The following LRBA variants were observed in gnomAD, a reference collection of about 807,000 sequenced individuals.
The protein encoded by LRBA is LPS responsive beige-like anchor protein.
LRBA carries 176 observed loss-of-function variants against 330.0 expected under a neutral mutation model. The ratio of observed to expected loss-of-function variants is 0.53; its 90% CI spans 0.47 to 0.60. LRBA has a LOEUF of 0.60. Among genes scored for constraint, LRBA ranks in the 20% least tolerant of loss-of-function variants. The pLI is 0.00. For synonymous variants in LRBA, 1,230 were observed against 1,193.0 expected (o/e 1.03, Z -0.64); for missense variants, 3,259 against 3,444.8 (o/e 0.95, Z 1.35).
At chr4:150,520,133 T>A (rs1561296282) in intron 40 of LRBA, among the ~76,000 whole-genome samples, 1 of 152,238 alleles carries the variant, frequency 6.6e-6, no homozygotes, top group Non-Finnish European at 1.5e-5. Flanking sequence ...CTAATCATTT[T>A]GTTAATAATC....
intron 40 of LRBA, among the ~76,000 whole-genome samples, chr4:150,505,246 A>C (rs1760891046): frequency 6.6e-6 from 1 of 152,198 alleles, no homozygotes; most frequent in Non-Finnish European, 1.5e-5. Context: ...ACATCTACAG[A>C]ACTCTCCACC....
chr4:150,933,627 C>CA (rs111744723), intron 2 of LRBA, among the ~76,000 whole-genome samples: 8 of 150,990 alleles, frequency 5.3e-5, no homozygotes, highest in South Asian at 2.1e-4. Context: ...GCATAGAAGG[C>CA]AAAAAAAAGA....
intron 47 of LRBA, among the ~76,000 whole-genome samples, chr4:150,376,776 A>AC (rs1204157289): frequency 6.6e-6 from 1 of 152,128 alleles, no homozygotes; most frequent in Non-Finnish European, 1.5e-5. Flanking sequence ...GGTAAAGATA[A>AC]CCCCGGGTGT....
intron 40 of LRBA, among the ~76,000 whole-genome samples, chr4:150,531,437 ATC>A (rs1764044731): frequency 6.6e-6 from 1 of 152,022 alleles, no homozygotes; most frequent in Non-Finnish European, 1.5e-5. Context: ...CTTCATTCAG[ATC>A]TCTTTTATTG....
At chr4:150,746,478 T>A (rs971819801) in intron 35 of LRBA, among the ~76,000 whole-genome samples, 1 of 151,776 alleles carries the variant, frequency 6.6e-6, no homozygotes, top group African/African-American at 2.4e-5. Context: ...ATTCTACCTC[T>A]GCAATAACTT....
intron 2 of LRBA, among the ~76,000 whole-genome samples, chr4:150,969,370 T>C (rs1739268440): frequency 6.6e-6 from 1 of 152,214 alleles, no homozygotes; most frequent in African/African-American, 2.4e-5. Flanking sequence ...AGGAACATTT[T>C]TGATTCATGG....
At chr4:150,780,607 A>ATATATATATACGTATATATATACGTG (rs1738025333) in intron 34 of LRBA, among the ~76,000 whole-genome samples, 1 of 131,198 alleles carries the variant, frequency 7.6e-6, no homozygotes, top group African/African-American at 2.8e-5. Flanking sequence ...GATACCAACT[A>ATATATATATACGTATATATATACGTG]TATATATATA....
chr4:150,850,095 A>ATT (rs1408280528), intron 24 of LRBA, among the ~76,000 whole-genome samples: 14 of 142,924 alleles, frequency 9.8e-5, no homozygotes, highest in African/African-American at 1.8e-4. Context: ...TGTTATAACA[A>ATT]TTTTTTTTTT....
At chr4:150,964,103 G>A (rs547765111) in intron 2 of LRBA, among the ~76,000 whole-genome samples, 43 of 146,238 alleles carry the variant, frequency 2.9e-4, no homozygotes, top group Middle Eastern at 3.5e-3. Flanking sequence ...GTCTCCGCCC[G>A]GCAGCCGCCC....
intron 2 of LRBA, among the ~76,000 whole-genome samples, chr4:150,991,219 A>T (rs895368034): frequency 6.6e-6 from 1 of 152,220 alleles, no homozygotes; most frequent in Non-Finnish European, 1.5e-5. Flanking sequence ...AGTGCTGACA[A>T]GGATGGAGAA....
At chr4:150,306,278 AT>A (rs559353054) in intron 52 of LRBA, among the ~76,000 whole-genome samples, 70 of 147,504 alleles carry the variant, frequency 4.7e-4, no homozygotes, top group South Asian at 6.4e-4. Flanking sequence ...TAAGAGAAGG[AT>A]TTTTTTTTTT....
intron 35 of LRBA, among the ~76,000 whole-genome samples, chr4:150,754,010 T>C (rs550293660): frequency 1.9e-4 from 29 of 151,274 alleles, no homozygotes; most frequent in African/African-American, 6.8e-4. Context: ...AAGGCTGCAG[T>C]GAGCCTTGAT....
chr4:150,701,603 T>A (rs1386782950), intron 36 of LRBA, among the ~76,000 whole-genome samples: 1 of 152,164 alleles, frequency 6.6e-6, no homozygotes. Context: ...AAAACATCAT[T>A]ATGTGGTGCA....
At chr4:150,929,103 G>T in intron 2 of LRBA, 38 bp from the exon 3 acceptor site, 2 of 1,302,964 alleles carry the variant, frequency 1.5e-6, no homozygotes, top group Non-Finnish European at 2.2e-6. Context: ...AAAAGCATTA[G>T]TATCCTCAAT....
At chr4:150,309,315 T>C (rs1010473672) in intron 52 of LRBA, among the ~76,000 whole-genome samples, 73 of 152,110 alleles carry the variant, frequency 4.8e-4, no homozygotes, top group African/African-American at 1.7e-3. Context: ...CCTAGGTGTA[T>C]ACTGGAATAT....
chr4:150,997,625 T>C (rs891395633), intron 2 of LRBA, among the ~76,000 whole-genome samples: 2 of 152,080 alleles, frequency 1.3e-5, no homozygotes, highest in Admixed American at 1.3e-4. Context: ...CTCTAGGTTG[T>C]TTATTTTAAG....
chr4:150,908,998 T>C (rs1477633307), intron 9 of LRBA, 141 bp from the exon 10 acceptor site: 4 of 557,354 alleles, frequency 7.2e-6, no homozygotes, highest in Non-Finnish European at 6.1e-6. Context: ...CGTTTACTTC[T>C]AAAATTGGCT....
At position 150,625,092 on chromosome 4, in the gene LRBA, T is replaced by C. The variant is rs142824036; in HGVS notation, c.5922-25961A>G. Among the ~76,000 whole-genome samples the C allele has an allele frequency of 5.4e-3, 817 of 151,980 alleles. 7 individuals carry two copies. The highest frequency in any genetic ancestry group is 8.8e-3 in the Admixed American group (135 of 15,262). On this transcript the variant is annotated intron_variant, in intron 37 of 56. Transcript: ENST00000651943. ...AATACTTTAGAACAATTACCAGGAGTAGGAAATAGTGGGTGAGAAGTGCTA... is the reference window on the plus strand; with the variant it reads ...AATACTTTAGAACAATTACCAGGAGCAGGAAATAGTGGGTGAGAAGTGCTA...
At chr4:150,524,306 T>C (rs1485972600) in intron 40 of LRBA, among the ~76,000 whole-genome samples, 2 of 152,192 alleles carry the variant, frequency 1.3e-5, no homozygotes, top group Non-Finnish European at 2.9e-5. Context: ...CAAATGATTG[T>C]ACTCCATAAT....
Sources: gnomAD v4.1 joint callset for allele counts (sites outside exome capture counted in the v4.1 genomes callset) on GRCh38, gnomAD v4.1.1 for gene constraint, MANE v1.5 for transcripts, NCBI Gene and HGNC (gene_info 2026-07-23, HGNC 2026-07-21) for gene names.